RUFY4: variants seen among roughly 807,000 people sequenced by gnomAD.
RUFY4 encodes RUN and FYVE domain containing 4.
Under a neutral mutation model 69.0 loss-of-function variants are expected in RUFY4, and 73 were observed. The observed-to-expected ratio is 1.06, with a 90% confidence interval of 0.88 to 1.29. The LOEUF (loss-of-function observed/expected upper bound fraction) is 1.29, where lower values mean the gene tolerates loss of function less well. Ranked by LOEUF, RUFY4 falls within the 50% of genes most tolerant of loss-of-function variation. RUFY4 has a pLI of 0.00. For missense variants in RUFY4, 770 were observed against 705.6 expected, an observed-to-expected ratio of 1.09 and a Z score of -1.03; for synonymous variants, 287 against 271.8, an observed-to-expected ratio of 1.06 and a Z score of -0.55.
Position 218,042,832 on chromosome 2 carries a change from G to T in RUFY4, c.-1158+7438G>T, listed in dbSNP as rs1300829824. On this transcript the variant is annotated intron_variant and NMD_transcript_variant, in intron 2 of 13. Transcript: ENST00000457754. ...CTTCAAAAAAAAATGAACAGGACCA[G>T]AATTTGATAATGAGTGTGTTACAGT... Among the ~76,000 whole-genome samples the T allele has an allele frequency of 1.3e-5, 2 of 152,106 alleles. 1 individual carries two copies. Among genetic ancestry groups the T allele is most frequent in the Middle Eastern group, 6.3e-3 (2 of 316 alleles).
At chr2:218,048,127 A>G (rs572803337) in intron 2 of RUFY4, among the ~76,000 whole-genome samples, 1 of 151,900 alleles carries the variant, frequency 6.6e-6, no homozygotes, top group African/African-American at 2.4e-5. Flanking sequence ...AGCATCTTTT[A>G]TTTTTTGTCT....
chr2:218,063,705 G>C (rs975042038), intron 3 of RUFY4, among the ~76,000 whole-genome samples: 3 of 152,114 alleles, frequency 2.0e-5, no homozygotes, highest in African/African-American at 7.2e-5. Context: ...TTGAGTCATG[G>C]GTGTGAGCGA....
intron 8 of RUFY4, 36 bp from the exon 11 acceptor site, chr2:218,083,074 T>C (rs372538883): frequency 3.8e-6 from 6 of 1,586,950 alleles, no homozygotes; most frequent in African/African-American, 3.0e-5. Context: ...GGCTGAGCTT[T>C]GCCCCCTGAG....
intron 2 of RUFY4, among the ~76,000 whole-genome samples, chr2:218,038,437 G>T (rs1959011599): frequency 6.6e-6 from 1 of 152,162 alleles, no homozygotes; most frequent in Non-Finnish European, 1.5e-5. Context: ...ACAGTTTTGG[G>T]TGATTCATGG....
At chr2:218,075,573 A>G in exon 7 of RUFY4, 1 of 1,526,706 alleles carries the variant, frequency 6.6e-7, no homozygotes, top group East Asian at 2.3e-5. Context: ...AGTATCAGGG[A>G]GCAGGCAGGG....
exon 7 of RUFY4, chr2:218,075,105 T>C: frequency 6.5e-7 from 1 of 1,534,250 alleles, no homozygotes; most frequent in East Asian, 2.4e-5. Flanking sequence ...CCCAGCCGCA[T>C]ATGGAGGGCC....
At chr2:218,081,416 A>G (rs1424938764) in intron 8 of RUFY4, among the ~76,000 whole-genome samples, 1 of 152,212 alleles carries the variant, frequency 6.6e-6, no homozygotes, top group Admixed American at 6.5e-5. Flanking sequence ...CCTCTCCAAG[A>G]ACCCTCCCTG....
At chr2:218,075,404 C>T (rs937763920) in exon 7 of RUFY4, 1 of 1,612,924 alleles carries the variant, frequency 6.2e-7, no homozygotes, top group Admixed American at 1.7e-5. Context: ...GGGCTATGGG[C>T]ACTCAGAAGG....
upstream of RUFY4, chr2:218,069,279 C>T (rs1481388484): frequency 6.6e-6 from 1 of 152,332 alleles, no homozygotes; most frequent in African/African-American, 2.4e-5. Flanking sequence ...CTGTGCAAGG[C>T]AGAGTCACTA....
intron 10 of RUFY4, chr2:218,089,703 G>T (rs1036440377): frequency 2.8e-6 from 2 of 703,500 alleles, no homozygotes; most frequent in Admixed American, 4.0e-5. Context: ...GACCAGCCTT[G>T]GGAGAGAGGA....
intron 9 of RUFY4, among the ~76,000 whole-genome samples, chr2:218,084,335 G>A (rs144671004): frequency 7.2e-5 from 11 of 151,990 alleles, no homozygotes; most frequent in African/African-American, 1.9e-4. Context: ...GGATTCAAGC[G>A]GTTCTCCTGC....
chr2:218,078,891 G>C (rs1689696752), intron 8 of RUFY4, among the ~76,000 whole-genome samples: 1 of 152,152 alleles, frequency 6.6e-6, no homozygotes, highest in African/African-American at 2.4e-5. Flanking sequence ...TTTTGAGACA[G>C]AGTTTCGCTC....
At chr2:218,075,437 G>T (rs371673116) in exon 7 of RUFY4, 1 of 1,611,238 alleles carries the variant, frequency 6.2e-7, no homozygotes, top group Non-Finnish European at 8.5e-7. Flanking sequence ...TGGAGGCTGA[G>T]GTCACAGGGG....
At chr2:218,060,340 T>C (rs1271392236) in intron 3 of RUFY4, 1 of 1,531,754 alleles carries the variant, frequency 6.5e-7, no homozygotes, top group African/African-American at 1.4e-5. Context: ...CAAGAGGTCT[T>C]AGAGAGTAGT....
intron 8 of RUFY4, among the ~76,000 whole-genome samples, chr2:218,081,102 G>A (rs182918001): frequency 6.6e-6 from 1 of 152,300 alleles, no homozygotes; most frequent in Non-Finnish European, 1.5e-5. Context: ...CCCCTCGTGT[G>A]CTAGGAGTAT....
exon 7 of RUFY4, chr2:218,075,329 A>G: frequency 1.2e-6 from 2 of 1,610,836 alleles, no homozygotes; most frequent in Non-Finnish European, 1.7e-6. Flanking sequence ...ACCAGGAGGA[A>G]AGAGCCCCAT....
At chr2:218,076,580 G>A (rs1689639006) in intron 8 of RUFY4, 47 bp downstream of exon 10, 1 of 1,540,018 alleles carries the variant, frequency 6.5e-7, no homozygotes, top group East Asian at 2.5e-5. Context: ...GTGCTCCCTA[G>A]GTCCTGCTGT....
intron 2 of RUFY4, among the ~76,000 whole-genome samples, chr2:218,055,777 C>T (rs1040923320): frequency 6.6e-6 from 1 of 152,328 alleles, no homozygotes; most frequent in African/African-American, 2.4e-5. Flanking sequence ...CACCAACCAT[C>T]CCCGCCACAG....
chr2:218,056,227 TTG>T lies in RUFY4; in HGVS notation c.-1157-2366_-1157-2365del, dbSNP rs1441190028. The stretch of plus-strand genomic sequence containing the variant: ...GGATTTATTATATTGTTGCTGGTTG[TTG>T]TTTTTTTTTTTTTTTTGTATTCTGC... On this transcript the variant is annotated intron_variant and NMD_transcript_variant, in intron 2 of 13. Coordinates refer to the RUFY4 transcript ENST00000457754. Among the ~76,000 whole-genome samples, 752 of 148,536 alleles carry T rather than the reference TTG, an allele frequency of 5.1e-3. 9 individuals carry two copies. The highest frequency in any genetic ancestry group is 0.018 in the African/African-American group (706 of 38,420).
Sources: allele counts gnomAD v4.1 joint callset (sites outside exome capture counted in the v4.1 genomes callset), GRCh38; gene constraint gnomAD v4.1.1; transcripts MANE v1.5; gene names NCBI Gene and HGNC (gene_info 2026-07-23, HGNC 2026-07-21).